KIAA1958: variants seen among roughly 807,000 people sequenced by gnomAD.
KIAA1958 encodes the protein KIAA1958, also known as uncharacterized protein KIAA1958.
A neutral mutation model predicts 47.2 loss-of-function variants in KIAA1958; 14 were observed. The observed-to-expected ratio is 0.30, with a 90% confidence interval of 0.20 to 0.46. The LOEUF (loss-of-function observed/expected upper bound fraction) is 0.46, where lower values mean the gene tolerates loss of function less well. Among genes scored for constraint, KIAA1958 ranks in the 20% least tolerant of loss-of-function variants. The probability of loss-of-function intolerance (pLI) is 1.00; values close to 1 mark genes in which losing one functional copy is unlikely to be tolerated. For missense variants in KIAA1958, 803 were observed against 909.2 expected, an observed-to-expected ratio of 0.88 and a Z score of 1.50; for synonymous variants, 354 against 353.3, an observed-to-expected ratio of 1.00 and a Z score of -0.02.
chr9:112,601,549 A>G (rs1836131482), intron 2 of KIAA1958, among the ~76,000 whole-genome samples: 2 of 152,120 alleles, frequency 1.3e-5, no homozygotes, highest in Admixed American at 6.6e-5. Flanking sequence ...AGTTGATTCC[A>G]TGTTCTGAGG....
At chr9:112,601,126 A>G (rs186700767) in intron 2 of KIAA1958, among the ~76,000 whole-genome samples, 1 of 152,322 alleles carries the variant, frequency 6.6e-6, no homozygotes, top group Admixed American at 6.5e-5. Context: ...GAATTGGAAA[A>G]TGGTCTTTGG....
In KIAA1958 at chr9:112,525,733, G is replaced by A. The variant is rs75215202; in HGVS notation, c.-25+38615G>A. 5.2e-3 allele frequency among the ~76,000 whole-genome samples: 790 copies of A among 151,864 alleles called. 10 individuals are homozygous for A. The highest frequency in any genetic ancestry group is 0.018 in the African/African-American group (750 of 41,430). Reference sequence around the variant, plus strand: ...ATTTTACTTTCTCTGAATGAGAAAAGCCACATTGTGTCCTTGATTATTGTT... The same window carrying A: ...ATTTTACTTTCTCTGAATGAGAAAAACCACATTGTGTCCTTGATTATTGTT... On this transcript the variant is annotated intron_variant, in intron 1 of 3. Transcript: ENST00000337530.
chr9:112,633,926 A>G (rs1454244078), intron 2 of KIAA1958, among the ~76,000 whole-genome samples: 1 of 152,092 alleles, frequency 6.6e-6, no homozygotes, highest in Non-Finnish European at 1.5e-5. Flanking sequence ...TTGTTGTACT[A>G]TTATGCTTTT....
intron 1 of KIAA1958, among the ~76,000 whole-genome samples, chr9:112,572,243 G>A (rs930563960): frequency 6.6e-6 from 1 of 152,090 alleles, no homozygotes; most frequent in African/African-American, 2.4e-5. Flanking sequence ...AGTGATCTGA[G>A]GAAAATTTAT....
intron 3 of KIAA1958, among the ~76,000 whole-genome samples, chr9:112,653,860 A>T (rs1277956892): frequency 6.6e-6 from 1 of 152,150 alleles, no homozygotes; most frequent in African/African-American, 2.4e-5. Context: ...TGATCATGCC[A>T]CTGCACTCCA....
At chr9:112,624,231 AT>A (rs1226327133) in intron 2 of KIAA1958, among the ~76,000 whole-genome samples, 2 of 152,248 alleles carry the variant, frequency 1.3e-5, no homozygotes, top group Non-Finnish European at 2.9e-5. Context: ...ATAGAATTCT[AT>A]TATACAAGAT....
chr9:112,571,150 C>A (rs934378069), intron 1 of KIAA1958, among the ~76,000 whole-genome samples: 36 of 152,306 alleles, frequency 2.4e-4, no homozygotes, highest in African/African-American at 7.9e-4. Flanking sequence ...CTGGAAACAG[C>A]CTTACAGACA....
chr9:112,618,977 AC>A lies in KIAA1958; in HGVS notation c.1172-26671del. ...GTGTCCGGAGAAACTGTGATTATAC[AC>A]CGCTTCTCGTTCCCCTTCCTGTGCC... On this transcript the variant is annotated intron_variant, in intron 2 of 3. Coordinates refer to ENST00000337530, the MANE Select transcript of KIAA1958 (RefSeq NM_133465.4). This position sits in a 1 kb window ranked among gnomAD's most constrained non-coding sequence, Gnocchi z 7.1. 6.9e-7 allele frequency: 1 copy of A among 1,453,832 alleles called. No homozygotes were observed. Among genetic ancestry groups the A allele is most frequent in the Non-Finnish European group, 9.1e-7 (1 of 1,097,246 alleles). The allele number at this position is 1,453,832 out of a possible 1,614,324, so 90.1% of individuals were successfully genotyped here. A position where few individuals can be genotyped will look rare whatever the true frequency, so the allele number is the denominator to read the frequency against.
In KIAA1958 at chr9:112,638,611, G is replaced by A. The variant is rs187355375; in HGVS notation, c.1172-7039G>A. Among the ~76,000 whole-genome samples the A allele has an allele frequency of 3.1e-3, 466 of 152,210 alleles. 3 individuals are homozygous for A. Among genetic ancestry groups the A allele is most frequent in the African/African-American group, 0.011 (441 of 41,536 alleles). On this transcript the variant is annotated intron_variant, in intron 2 of 3. Transcript: ENST00000337530. ...TCCTTGTATTTATTTTGCTTGGTTA[G>A]GAAAGCTTCTGGAATCTGTAGACTG...
intron 2 of KIAA1958, among the ~76,000 whole-genome samples, chr9:112,584,972 C>T (rs1835799529): frequency 6.6e-6 from 1 of 152,208 alleles, no homozygotes; most frequent in African/African-American, 2.4e-5. Context: ...ATGCCCATCA[C>T]TTATCCAAAG....
Position 112,659,279 on chromosome 9 carries a change from T to C in KIAA1958, c.1361T>C (p.Leu454Ser), listed in dbSNP as rs1389609123. The change falls in exon 4 of 4, where the codon TTG becomes TCG. Residue 454 changes from leucine to serine, a missense_variant. Physicochemically the swap from Leu to Ser is moderately radical, Grantham distance 145 (BLOSUM62 -2). Coordinates refer to ENST00000337530, the MANE Select transcript of KIAA1958 (RefSeq NM_133465.4). ...TDITKIPAVK[L>S]NELLENFYVT... ...TCATTTGAGATCCCTGCAGTGAAGT[T>C]GAACGAGCTGCTCGAGAACTTTTAT... 2 of 1,612,680 alleles carry C rather than the reference T, an allele frequency of 1.2e-6. No individual in the cohort carries two copies. The highest frequency in any genetic ancestry group is 1.1e-5 in the South Asian group (1 of 91,004).
At chr9:112,640,221 C>T (rs1836870186) in intron 2 of KIAA1958, among the ~76,000 whole-genome samples, 1 of 152,202 alleles carries the variant, frequency 6.6e-6, no homozygotes, top group African/African-American at 2.4e-5. Flanking sequence ...CACTTTAATG[C>T]AGTCTAGACT....
At chr9:112,528,416 A>G (rs2132807816) in intron 1 of KIAA1958, among the ~76,000 whole-genome samples, 1 of 152,280 alleles carries the variant, frequency 6.6e-6, no homozygotes, top group Non-Finnish European at 1.5e-5. Context: ...TGCTCTCATG[A>G]TACCCAAAGC....
At chr9:112,654,389 C>T (rs780652252) in intron 3 of KIAA1958, among the ~76,000 whole-genome samples, 2 of 152,096 alleles carry the variant, frequency 1.3e-5, no homozygotes, top group Admixed American at 6.6e-5. Context: ...CAATCAGAAT[C>T]CTTCTTTTTG....
intron 2 of KIAA1958, among the ~76,000 whole-genome samples, chr9:112,620,223 C>A (rs542736078): frequency 1.1e-4 from 17 of 152,172 alleles, no homozygotes; most frequent in African/African-American, 4.1e-4. Context: ...TAAATTTAGA[C>A]TTTAGAGCCA....
Position 112,605,001 on chromosome 9 carries a change from TTA to T in KIAA1958, c.1171+29754_1171+29755del, listed in dbSNP as rs199572515. Among the ~76,000 whole-genome samples the T allele has an allele frequency of 9.5e-3, 1,409 of 147,610 alleles. 27 individuals carry two copies. The highest frequency in any genetic ancestry group is 0.032 in the African/African-American group (1,307 of 40,846). ...TATATATTTTATGTATAACATATTT[TTA>T]TATGTTATATATTTTATATGTTTAT... is the stretch of plus-strand genomic sequence containing the variant. On this transcript the variant is annotated intron_variant, in intron 2 of 3. Coordinates refer to ENST00000337530, the MANE Select transcript of KIAA1958 (RefSeq NM_133465.4).
intron 1 of KIAA1958, among the ~76,000 whole-genome samples, chr9:112,512,572 T>G (rs1377058277): frequency 1.3e-5 from 2 of 152,216 alleles, no homozygotes; most frequent in East Asian, 3.8e-4. Flanking sequence ...GACTGAATGC[T>G]CTCAATTCAG....
At chr9:112,579,968 C>T (rs558022074) in intron 2 of KIAA1958, among the ~76,000 whole-genome samples, 2 of 152,358 alleles carry the variant, frequency 1.3e-5, no homozygotes, top group East Asian at 3.9e-4. Context: ...GCCACCTTGC[C>T]TTCCTCCCTA....
intron 1 of KIAA1958, among the ~76,000 whole-genome samples, chr9:112,571,115 A>G (rs1835526431): frequency 6.6e-6 from 1 of 152,152 alleles, no homozygotes; most frequent in Non-Finnish European, 1.5e-5. Flanking sequence ...CACATAATCC[A>G]CTCAGACTCA....
Sources: gnomAD v4.1 joint callset for allele counts (sites outside exome capture counted in the v4.1 genomes callset) on GRCh38, gnomAD v4.1.1 for gene constraint, Gnocchi (gnomAD v3.1) non-coding constraint, MANE v1.5 for transcripts, NCBI Gene and HGNC (gene_info 2026-07-23, HGNC 2026-07-21) for gene names.